Variants in ZCCHC7 observed in about 807,000 individuals in gnomAD.
ZCCHC7 encodes zinc finger CCHC-type containing 7.
ZCCHC7 carries 35 observed loss-of-function variants against 52.0 expected under a neutral mutation model. That is an observed-to-expected ratio of 0.67 (90% CI 0.51 to 0.89). ZCCHC7 has a LOEUF of 0.89. Among genes scored for constraint, ZCCHC7 ranks in the 40% least tolerant of loss-of-function variants. The pLI is 0.00. For missense variants in ZCCHC7, 574 were observed against 649.1 expected, an observed-to-expected ratio of 0.88 and a Z score of 1.26; for synonymous variants, 217 against 221.5, an observed-to-expected ratio of 0.98 and a Z score of 0.18.
chr9:37,202,989 G>C (rs1237265765), intron 2 of ZCCHC7, among the ~76,000 whole-genome samples: 3 of 152,218 alleles, frequency 2.0e-5, no homozygotes, highest in Non-Finnish European at 4.4e-5. Flanking sequence ...TTCAGCCAAA[G>C]TTTTACAAAA....
chr9:37,239,524 A>G (rs1440725360), intron 2 of ZCCHC7, among the ~76,000 whole-genome samples: 1 of 152,132 alleles, frequency 6.6e-6, no homozygotes, highest in African/African-American at 2.4e-5. Context: ...AAAGGCAGAC[A>G]GGGAGGGTTT....
intron 6 of ZCCHC7, among the ~76,000 whole-genome samples, chr9:37,345,674 C>T (rs1027558315): frequency 4.7e-5 from 7 of 150,390 alleles, no homozygotes; most frequent in Admixed American, 2.0e-4. Flanking sequence ...GAGCCGAGAT[C>T]GTGCCACTGT....
In ZCCHC7 at chr9:37,305,500, A is replaced by C. The variant is rs757554834; in HGVS notation, c.781-44A>C. ...ATTGAAAAACAAATACTAATCTTCT[A>C]CCTTTTGAGACTGAAGAGATTTTAT... is the stretch of plus-strand genomic sequence containing the variant. On this transcript the variant is annotated intron_variant, in intron 4 of 8. Transcript: ENST00000336755. 21 of 1,604,958 alleles carry C rather than the reference A, an allele frequency of 1.3e-5. No homozygotes were observed. In the African/African-American group the frequency reaches 1.5e-4, roughly 11 times the overall value.
chr9:37,189,144 C>T (rs1018473329), intron 2 of ZCCHC7, among the ~76,000 whole-genome samples: 1 of 150,724 alleles, frequency 6.6e-6, no homozygotes, highest in Non-Finnish European at 1.5e-5. Context: ...TTTGAGGTGG[C>T]TTTCCATCTT....
At chr9:37,132,580 C>T (rs1842831802) in intron 2 of ZCCHC7, among the ~76,000 whole-genome samples, 1 of 152,132 alleles carries the variant, frequency 6.6e-6, no homozygotes, top group South Asian at 2.1e-4. Context: ...TGCATGTATA[C>T]ACATTTGTAT....
chr9:37,252,388 C>G (rs1479266271), intron 2 of ZCCHC7, among the ~76,000 whole-genome samples: 1 of 152,076 alleles, frequency 6.6e-6, no homozygotes, highest in African/African-American at 2.4e-5. Context: ...CCAAATGAGC[C>G]AGAACCAAAA....
chr9:37,264,279 T>C (rs892359402), intron 2 of ZCCHC7, among the ~76,000 whole-genome samples: 13 of 152,120 alleles, frequency 8.5e-5, no homozygotes, highest in Admixed American at 8.5e-4. Flanking sequence ...CAAATGTAAA[T>C]AGTACTTATA....
At chr9:37,290,362 T>C (rs1383183003) in intron 2 of ZCCHC7, among the ~76,000 whole-genome samples, 1 of 152,114 alleles carries the variant, frequency 6.6e-6, no homozygotes, top group Non-Finnish European at 1.5e-5. Flanking sequence ...TCTAACTATT[T>C]GTAAGAATTG....
Position 37,179,739 on chromosome 9 carries a change from A to C in ZCCHC7, c.610+52797A>C, listed in dbSNP as rs117153800. Among the ~76,000 whole-genome samples the C allele has an allele frequency of 5.4e-4, 82 of 152,296 alleles. 1 individual carries two copies. The highest frequency in any genetic ancestry group is 5.2e-3 in the East Asian group (27 of 5,190). On this transcript the variant is annotated intron_variant, in intron 2 of 8. Coordinates refer to ENST00000336755, the MANE Select transcript of ZCCHC7 (RefSeq NM_032226.3). ...ATAATACAGAATCCCATCATTGGGCATTCATTTATTTGCTGCTCATCAAGA... is the reference window on the plus strand; with the variant it reads ...ATAATACAGAATCCCATCATTGGGCCTTCATTTATTTGCTGCTCATCAAGA...
intron 2 of ZCCHC7, among the ~76,000 whole-genome samples, chr9:37,137,160 A>G (rs949365316): frequency 6.6e-6 from 1 of 152,248 alleles, no homozygotes. Context: ...AATGCATGAC[A>G]GTATGGAAAG....
intron 2 of ZCCHC7, among the ~76,000 whole-genome samples, chr9:37,258,757 TAAAAAAAAAAAAAAAA>T (rs5897683): frequency 1.8e-5 from 1 of 55,368 alleles, no homozygotes; most frequent in Non-Finnish European, 3.0e-5. Flanking sequence ...TCCTGTCTCT[TAAAAAAAAAAAAAAAA>T]AAAAAAAAAA....
At chr9:37,282,170 G>T (rs533162463) in intron 2 of ZCCHC7, among the ~76,000 whole-genome samples, 2 of 152,250 alleles carry the variant, frequency 1.3e-5, no homozygotes, top group East Asian at 3.9e-4. Flanking sequence ...TTGTTTAATA[G>T]TTTCAGTTTT....
intron 5 of ZCCHC7, among the ~76,000 whole-genome samples, chr9:37,306,732 G>GGATTACA (rs1392848049): frequency 7.4e-6 from 1 of 135,148 alleles, no homozygotes; most frequent in Non-Finnish European, 1.5e-5. Flanking sequence ...CAAAGTGCTG[G>GGATTACA]GATTACAGGC....
intron 2 of ZCCHC7, among the ~76,000 whole-genome samples, chr9:37,255,670 G>T (rs1327741922): frequency 6.6e-6 from 1 of 152,124 alleles, no homozygotes; most frequent in Non-Finnish European, 1.5e-5. Context: ...TGGCAGGAAA[G>T]ATTATAAATA....
intron 2 of ZCCHC7, among the ~76,000 whole-genome samples, chr9:37,139,444 A>T (rs1412506994): frequency 1.3e-5 from 2 of 151,998 alleles, no homozygotes; most frequent in Non-Finnish European, 2.9e-5. Flanking sequence ...CTGGATGGAG[A>T]TGTAATTCTA....
intron 2 of ZCCHC7, among the ~76,000 whole-genome samples, chr9:37,208,911 C>G (rs1195969229): frequency 6.6e-6 from 1 of 151,938 alleles, no homozygotes; most frequent in East Asian, 1.9e-4. Context: ...TCTTTCTGAT[C>G]TTATCTCCTA....
At chr9:37,306,284 G>T (rs533516032) in intron 5 of ZCCHC7, among the ~76,000 whole-genome samples, 1 of 151,682 alleles carries the variant, frequency 6.6e-6, no homozygotes, top group South Asian at 2.1e-4. Flanking sequence ...GGCCATGCTG[G>T]TCTCGAACTC....
At chr9:37,184,636 C>T (rs56916153) in intron 2 of ZCCHC7, among the ~76,000 whole-genome samples, 21,640 of 152,046 alleles carry the variant, frequency 0.14, 1,766 homozygotes, top group Non-Finnish European at 0.17. Context: ...GACTGTCTTT[C>T]AGCTGATAAA....
rs1332416059 is a variant in ZCCHC7, at chr9:37,132,081, C to T, written c.610+5139C>T. Among the ~76,000 whole-genome samples, 5 of 152,110 alleles carry T rather than the reference C, an allele frequency of 3.3e-5. No individual in the cohort carries two copies. In the South Asian group the frequency reaches 8.3e-4, roughly 25 times the overall value. On this transcript the variant is annotated intron_variant, in intron 2 of 8. Coordinates refer to ENST00000336755, the MANE Select transcript of ZCCHC7 (RefSeq NM_032226.3). ...CGTTTGTTTTCCTTCTTGATTCCCG[C>T]CCCTTCCTTTTTTTTTAATTATCCC...
Sources: allele counts gnomAD v4.1 joint callset (sites outside exome capture counted in the v4.1 genomes callset), GRCh38; gene constraint gnomAD v4.1.1; transcripts MANE v1.5; gene names NCBI Gene and HGNC (gene_info 2026-07-23, HGNC 2026-07-21).